The following CNTN5 variants were observed in gnomAD, a reference collection of about 807,000 sequenced individuals.
CNTN5 encodes contactin-5.
Under a neutral mutation model 129.1 loss-of-function variants are expected in CNTN5, and 77 were observed. The ratio of observed to expected loss-of-function variants is 0.60; its 90% CI spans 0.50 to 0.72. The LOEUF (loss-of-function observed/expected upper bound fraction) is 0.72, where lower values mean the gene tolerates loss of function less well. CNTN5 is among the 30% of genes least tolerant of loss of function. The pLI is 0.00. For missense variants in CNTN5, 1,478 were observed against 1,328.8 expected (o/e 1.11, Z -1.75); for synonymous variants, 509 against 465.6 (o/e 1.09, Z -1.20).
chr11:100,057,694 T>G (rs951465837), intron 9 of CNTN5, among the ~76,000 whole-genome samples: 1 of 151,664 alleles, frequency 6.6e-6, no homozygotes, highest in Non-Finnish European at 1.5e-5. Flanking sequence ...GAGGTCACCA[T>G]AGCATCTTTG....
At chr11:100,050,624 A>G (rs1207672710) in intron 9 of CNTN5, among the ~76,000 whole-genome samples, 1 of 152,030 alleles carries the variant, frequency 6.6e-6, no homozygotes, top group Non-Finnish European at 1.5e-5. Flanking sequence ...TTAAAGTATA[A>G]TAATAATAAA....
At chr11:99,897,403 G>C (rs992411773) in intron 6 of CNTN5, among the ~76,000 whole-genome samples, 12 of 152,058 alleles carry the variant, frequency 7.9e-5, no homozygotes, top group Non-Finnish European at 1.2e-4. Flanking sequence ...TAGAGAAAAG[G>C]TTCAAATCAT....
intron 2 of CNTN5, among the ~76,000 whole-genome samples, chr11:99,414,595 T>C (rs907303812): frequency 2.6e-5 from 4 of 152,104 alleles, no homozygotes; most frequent in African/African-American, 9.7e-5. Context: ...TAGAGCTATA[T>C]AATCAGGGCA....
At chr11:99,776,803 A>C (rs1945140561) in intron 3 of CNTN5, among the ~76,000 whole-genome samples, 1 of 151,798 alleles carries the variant, frequency 6.6e-6, no homozygotes, top group African/African-American at 2.4e-5. Context: ...AAAAAAAACT[A>C]TTCAAAAGCG....
chr11:99,978,168 A>G (rs994247816), intron 8 of CNTN5, among the ~76,000 whole-genome samples: 2 of 152,202 alleles, frequency 1.3e-5, no homozygotes, highest in African/African-American at 2.4e-5. Flanking sequence ...AATTTTAAAG[A>G]TAGAAAAAAG....
In CNTN5 at chr11:100,016,160, A is replaced by G. The variant is rs80345245; in HGVS notation, c.980+14024A>G. ...TAATCAGAGACAAAAGTCTATGTTT[A>G]CCTTTGGAATATCCCTCTCAGTGCA... On this transcript the variant is annotated intron_variant, in intron 9 of 24. Coordinates refer to ENST00000524871, the MANE Select transcript of CNTN5 (RefSeq NM_014361.4). Among the ~76,000 whole-genome samples, 1,418 of 152,178 alleles carry G rather than the reference A, an allele frequency of 9.3e-3. 23 individuals are homozygous for G. The highest frequency in any genetic ancestry group is 0.033 in the African/African-American group (1,371 of 41,556).
chr11:99,570,588 T>C (rs906899613), intron 3 of CNTN5, among the ~76,000 whole-genome samples: 5 of 152,198 alleles, frequency 3.3e-5, no homozygotes, highest in Admixed American at 3.3e-4. Flanking sequence ...TGTCTGTTAA[T>C]TTACCAAGTA....
intron 7 of CNTN5, among the ~76,000 whole-genome samples, chr11:99,948,950 G>T (rs1466671903): frequency 6.6e-6 from 1 of 152,194 alleles, no homozygotes; most frequent in African/African-American, 2.4e-5. Flanking sequence ...TATGGATACA[G>T]GGGAGAGGGT....
chr11:99,896,791 G>A (rs929979159), intron 6 of CNTN5, among the ~76,000 whole-genome samples: 1 of 152,178 alleles, frequency 6.6e-6, no homozygotes, highest in African/African-American at 2.4e-5. Flanking sequence ...CCCCATAGCT[G>A]TCAGCTGCCA....
intron 1 of CNTN5, among the ~76,000 whole-genome samples, chr11:99,177,375 G>A (rs561412063): frequency 1.1e-3 from 163 of 152,258 alleles, no homozygotes; most frequent in African/African-American, 3.9e-3. Context: ...TTGACACCCA[G>A]TAAATATTTG....
chr11:100,197,685 C>G (rs1302266402), intron 15 of CNTN5, among the ~76,000 whole-genome samples: 2 of 151,924 alleles, frequency 1.3e-5, no homozygotes, highest in Non-Finnish European at 1.5e-5. Context: ...TTGAAGTCCT[C>G]TAATTATTCA....
At chr11:99,623,165 G>A (rs1951010587) in intron 3 of CNTN5, among the ~76,000 whole-genome samples, 1 of 151,898 alleles carries the variant, frequency 6.6e-6, no homozygotes. Flanking sequence ...AGTGTCCTTG[G>A]TACCTATTTA....
chr11:99,609,337 A>G (rs572549544), intron 3 of CNTN5, among the ~76,000 whole-genome samples: 2 of 152,250 alleles, frequency 1.3e-5, no homozygotes, highest in Admixed American at 6.5e-5. Flanking sequence ...CCAAAAGATG[A>G]GTGGTAAGCA....
chr11:99,068,838 G>T (rs1258243865), intron 1 of CNTN5, among the ~76,000 whole-genome samples: 1 of 152,156 alleles, frequency 6.6e-6, no homozygotes, highest in East Asian at 1.9e-4. Flanking sequence ...AAAAAAGGCA[G>T]AGAGCATTAG....
chr11:99,196,293 G>T (rs141674352), intron 1 of CNTN5, among the ~76,000 whole-genome samples: 12 of 151,794 alleles, frequency 7.9e-5, no homozygotes, highest in African/African-American at 2.9e-4. Context: ...TTTATTTTTT[G>T]TCATTTGATT....
At chr11:100,324,567 A>AT (rs1454284068) in intron 21 of CNTN5, among the ~76,000 whole-genome samples, 2 of 152,102 alleles carry the variant, frequency 1.3e-5, no homozygotes, top group Non-Finnish European at 2.9e-5. Flanking sequence ...TGCTCTTAGA[A>AT]TTTTTTCTAT....
chr11:99,950,671 GC>G (rs1179994387), intron 7 of CNTN5, among the ~76,000 whole-genome samples: 3 of 152,066 alleles, frequency 2.0e-5, no homozygotes, highest in Non-Finnish European at 4.4e-5. Flanking sequence ...ACAAAATTGT[GC>G]TTTATGCTAG....
chr11:99,104,574 G>A (rs1238134581), intron 1 of CNTN5, among the ~76,000 whole-genome samples: 1 of 151,662 alleles, frequency 6.6e-6, no homozygotes, highest in Non-Finnish European at 1.5e-5. Context: ...TTAAGTGATG[G>A]ATGTGTTAAT....
chr11:99,819,418 T>C (rs1946712082), intron 3 of CNTN5, 126 bp from the exon 4 acceptor site: 2 of 728,288 alleles, frequency 2.7e-6, no homozygotes, highest in Non-Finnish European at 2.3e-6. Context: ...ACTCTCACTG[T>C]AATCTGAATT....
Sources: gnomAD v4.1 joint callset for allele counts (sites outside exome capture counted in the v4.1 genomes callset) on GRCh38, gnomAD v4.1.1 for gene constraint, MANE v1.5 for transcripts, NCBI Gene and HGNC (gene_info 2026-07-23, HGNC 2026-07-21) for gene names.